Variants in GDAP1 observed in about 807,000 individuals in gnomAD.
GDAP1 encodes ganglioside induced differentiation associated protein 1.
GDAP1 carries 34 observed loss-of-function variants against 40.1 expected under a neutral mutation model. That is an observed-to-expected ratio of 0.85 (90% CI 0.64 to 1.13). GDAP1 has a LOEUF of 1.13. Ranked by LOEUF, GDAP1 falls within the 50% of genes most tolerant of loss-of-function variation. The pLI is 0.00. For synonymous variants in GDAP1, 170 were observed against 157.4 expected (o/e 1.08, Z -0.60); for missense variants, 374 against 433.7 (o/e 0.86, Z 1.22).
rs186899128 is a variant in GDAP1 at position 74,422,730 on chromosome 8, C to T, written c.166-65948C>T. 8.6e-5 allele frequency among the ~76,000 whole-genome samples: 13 copies of T among 151,872 alleles called. No individual in the cohort carries two copies. The East Asian group carries it at 2.5e-3, about 29-fold the overall frequency. On this transcript the variant is annotated intron_variant, in intron 2 of 2. Coordinates refer to the GDAP1 transcript ENST00000523640. Reference sequence around the variant, plus strand: ...CATGATTTTGCAAAACCCCTTTATTCTTTATTTCATTTTAAAAGAAATTGG... The same window carrying T: ...CATGATTTTGCAAAACCCCTTTATTTTTTATTTCATTTTAAAAGAAATTGG...
rs191917551 is a variant in GDAP1 at position 74,478,043 on chromosome 8, C to T, written c.166-10635C>T. On this transcript the variant is annotated intron_variant, in intron 2 of 2. Transcript: ENST00000523640. ...TGGCAGTGACTGTTCAGAGCCAGGA[C>T]GGCTTTACTGTTCTTTTTGCCTAGT... Among the ~76,000 whole-genome samples, 209 of 141,012 alleles carry T rather than the reference C, an allele frequency of 1.5e-3. 1 individual carries two copies. Among genetic ancestry groups the T allele is most frequent in the Non-Finnish European group, 1.9e-3 (122 of 65,762 alleles). The allele number at this position is 141,012 out of a possible 152,430, so 92.5% of individuals were successfully genotyped here.
chr8:74,352,436 T>A (rs953949638), intron 2 of GDAP1, among the ~76,000 whole-genome samples: 1 of 152,124 alleles, frequency 6.6e-6, no homozygotes, highest in African/African-American at 2.4e-5. Context: ...AAGCAGAACC[T>A]AGCCCCAAAC....
intron 2 of GDAP1, among the ~76,000 whole-genome samples, chr8:74,422,338 TTTCTTTCTTTCTTCCCTTCCTTCC>T (rs755160586): frequency 0.037 from 2,182 of 58,690 alleles, 66 homozygotes; most frequent in South Asian, 0.089. Flanking sequence ...TCTTTCTTTC[TTTCTTTCTTTCTTCCCTTCCTTCC>T]TTCCTTCCTT....
intron 2 of GDAP1, among the ~76,000 whole-genome samples, chr8:74,414,776 T>TA (rs1390979220): frequency 6.7e-6 from 1 of 149,910 alleles, no homozygotes; most frequent in African/African-American, 2.5e-5. Flanking sequence ...TTCAAAAACT[T>TA]AATGATTGAA....
intron 2 of GDAP1, among the ~76,000 whole-genome samples, chr8:74,466,987 C>T (rs1030521394): frequency 1.7e-4 from 26 of 152,096 alleles, no homozygotes; most frequent in African/African-American, 6.0e-4. Flanking sequence ...ATCCATAGCC[C>T]TAGTTAAGGG....
At chr8:74,391,835 T>G (rs1411370435) in intron 2 of GDAP1, among the ~76,000 whole-genome samples, 2 of 152,280 alleles carry the variant, frequency 1.3e-5, no homozygotes, top group African/African-American at 4.8e-5. Context: ...AATTTTTTTT[T>G]GAGGCAGAAT....
At chr8:74,399,949 T>C (rs1165947441) in intron 2 of GDAP1, among the ~76,000 whole-genome samples, 1 of 143,476 alleles carries the variant, frequency 7.0e-6, no homozygotes, top group Non-Finnish European at 1.5e-5. Flanking sequence ...TTACATTTGC[T>C]GAGGAGAGCT....
At chr8:74,461,931 T>G (rs1806406779) in intron 2 of GDAP1, among the ~76,000 whole-genome samples, 1 of 152,222 alleles carries the variant, frequency 6.6e-6, no homozygotes, top group Non-Finnish European at 1.5e-5. Context: ...CATTTCATCC[T>G]AAGGAATAAA....
chr8:74,409,632 C>T lies in GDAP1; in HGVS notation c.165+58311C>T, dbSNP rs538981195. Among the ~76,000 whole-genome samples, 24 of 150,112 alleles carry T rather than the reference C, an allele frequency of 1.6e-4. No individual in the cohort carries two copies. In the East Asian group the frequency reaches 4.1e-3, roughly 25 times the overall value. On this transcript the variant is annotated intron_variant, in intron 2 of 2. Transcript: ENST00000523640. ...CCTCCCAATGTTCTGCAATTATAGGCGTGAGCCACCGCACCTGACCCTCAG... is the reference window on the plus strand; with the variant it reads ...CCTCCCAATGTTCTGCAATTATAGGTGTGAGCCACCGCACCTGACCCTCAG...
intron 2 of GDAP1, among the ~76,000 whole-genome samples, chr8:74,384,089 A>G (rs1263674121): frequency 6.6e-6 from 1 of 152,214 alleles, no homozygotes; most frequent in Non-Finnish European, 1.5e-5. Flanking sequence ...AATTCAGACA[A>G]TGCACTGATA....
chr8:74,356,694 G>T (rs867731334), intron 2 of GDAP1, among the ~76,000 whole-genome samples: 1 of 96,932 alleles, frequency 1.0e-5, no homozygotes, highest in African/African-American at 4.2e-5. Context: ...GTGTGTGTTT[G>T]TGTGTGTGTA....
chr8:74,357,961 T>C (rs1321532704), intron 2 of GDAP1, among the ~76,000 whole-genome samples: 1 of 152,242 alleles, frequency 6.6e-6, no homozygotes, highest in Non-Finnish European at 1.5e-5. Context: ...AAAAACTCTT[T>C]TATCAGAAGC....
At chr8:74,442,213 A>G (rs1449554042) in intron 2 of GDAP1, among the ~76,000 whole-genome samples, 1 of 152,104 alleles carries the variant, frequency 6.6e-6, no homozygotes, top group African/African-American at 2.4e-5. Context: ...CATTGGAGAC[A>G]ATACGGGGAA....
rs1225126011 is a variant in GDAP1 at position 74,453,425 on chromosome 8, A to G, written c.166-35253A>G. ...CTAGCATATTGGAAGAGTCTGATGTATATTTGCTATCATCTATCCACTCAC... is the reference window on the plus strand; with the variant it reads ...CTAGCATATTGGAAGAGTCTGATGTGTATTTGCTATCATCTATCCACTCAC... On this transcript the variant is annotated intron_variant, in intron 2 of 2. Transcript: ENST00000523640. Among the ~76,000 whole-genome samples, 5 of 84,292 alleles carry G rather than the reference A, an allele frequency of 5.9e-5. 2 individuals carry two copies. Among genetic ancestry groups the G allele is most frequent in the Admixed American group, 3.6e-4 (3 of 8,346 alleles). 55.3% of individuals were successfully genotyped at this position (84,292 alleles called of 152,430 possible). A position where few individuals can be genotyped will look rare whatever the true frequency, so the allele number is the denominator to read the frequency against.
intron 2 of GDAP1, among the ~76,000 whole-genome samples, chr8:74,474,327 A>G: frequency 6.6e-6 from 1 of 151,990 alleles, no homozygotes; most frequent in East Asian, 1.9e-4. Flanking sequence ...TTCCAACACC[A>G]TGTTGAATAG....
At chr8:74,398,803 T>C (rs538482920) in intron 2 of GDAP1, among the ~76,000 whole-genome samples, 28 of 152,152 alleles carry the variant, frequency 1.8e-4, no homozygotes, top group African/African-American at 6.3e-4. Context: ...TCTATTGAGA[T>C]AATCATGTGG....
At chr8:74,488,363 ACTT>A (rs917392743) in intron 2 of GDAP1, among the ~76,000 whole-genome samples, 1 of 152,124 alleles carries the variant, frequency 6.6e-6, no homozygotes, top group Non-Finnish European at 1.5e-5. Context: ...TCCTAGGAGT[ACTT>A]CTTCCTTTCC....
intron 2 of GDAP1, among the ~76,000 whole-genome samples, chr8:74,404,761 T>G (rs899064698): frequency 6.7e-6 from 1 of 149,926 alleles, no homozygotes; most frequent in Non-Finnish European, 1.5e-5. Context: ...TCCCATCTGC[T>G]TCTCTCACCA....
chr8:74,425,754 T>A (rs1805939822), intron 2 of GDAP1, among the ~76,000 whole-genome samples: 1 of 152,240 alleles, frequency 6.6e-6, no homozygotes, highest in African/African-American at 2.4e-5. Flanking sequence ...ATTGGTCAAG[T>A]GTTAGCTAAC....
Sources: allele counts gnomAD v4.1 joint callset (sites outside exome capture counted in the v4.1 genomes callset), GRCh38; gene constraint gnomAD v4.1.1; transcripts MANE v1.5; gene names NCBI Gene and HGNC (gene_info 2026-07-23, HGNC 2026-07-21).